PDE7A: variants seen among roughly 807,000 people sequenced by gnomAD.
The protein encoded by PDE7A is phosphodiesterase 7A, also known as high affinity 3',5'-cyclic-AMP phosphodiesterase 7A.
A neutral mutation model predicts 64.3 loss-of-function variants in PDE7A; 39 were observed. The ratio of observed to expected loss-of-function variants is 0.61; its 90% CI spans 0.47 to 0.79. The LOEUF (loss-of-function observed/expected upper bound fraction) is 0.79, where lower values mean the gene tolerates loss of function less well. PDE7A is among the 30% of genes least tolerant of loss of function. The pLI is 0.00. For synonymous variants in PDE7A, 203 were observed against 206.8 expected, an observed-to-expected ratio of 0.98 and a Z score of 0.16; for missense variants, 470 against 582.8, an observed-to-expected ratio of 0.81 and a Z score of 1.99.
intron 3 of PDE7A, among the ~76,000 whole-genome samples, chr8:65,759,285 C>T (rs1046347725): frequency 2.0e-5 from 3 of 152,184 alleles, no homozygotes; most frequent in African/African-American, 4.8e-5. Context: ...CAGGACAGTA[C>T]TATCTCCTTA....
rs1809293525 is a variant in PDE7A, at chr8:65,777,461, G to T, written c.283+2259C>A. 2.0e-5 allele frequency among the ~76,000 whole-genome samples: 3 copies of T among 151,956 alleles called. No homozygotes were observed. The South Asian group carries it at 6.2e-4, about 32-fold the overall frequency. ...TATATTCCTGGAAAAATACTAATTA[G>T]GTCAAAATATATTAATTCTCCCTTT... is the stretch of plus-strand genomic sequence containing the variant. On this transcript the variant is annotated intron_variant, in intron 3 of 12. Transcript: ENST00000401827.
intron 3 of PDE7A, among the ~76,000 whole-genome samples, chr8:65,764,474 T>C (rs1808667697): frequency 6.6e-6 from 1 of 152,172 alleles, no homozygotes; most frequent in Non-Finnish European, 1.5e-5. Context: ...AATAGGAAAC[T>C]AATGACCATG....
At chr8:65,782,721 C>A in intron 2 of PDE7A, 62 bp downstream of exon 2, 2 of 888,734 alleles carry the variant, frequency 2.3e-6, no homozygotes, top group Admixed American at 2.3e-5. Flanking sequence ...ATACCTCAAA[C>A]TCAAATAACA....
At chr8:65,800,099 T>C (rs1588723) in intron 1 of PDE7A, among the ~76,000 whole-genome samples, 152,104 of 152,348 alleles carry the variant, frequency 1, 75,930 homozygotes, top group Middle Eastern at 1. Context: ...TTTGCTTTCC[T>C]TATAGAAACT....
intron 1 of PDE7A, among the ~76,000 whole-genome samples, chr8:65,828,410 A>G (rs1346066607): frequency 6.6e-6 from 1 of 152,158 alleles, no homozygotes; most frequent in African/African-American, 2.4e-5. Context: ...TCTATGACAA[A>G]TATGGCTATT....
At chr8:65,828,150 T>TAA (rs140381186) in intron 1 of PDE7A, among the ~76,000 whole-genome samples, 4 of 148,934 alleles carry the variant, frequency 2.7e-5, no homozygotes, top group Admixed American at 1.3e-4. Context: ...TTTCATTGTT[T>TAA]AAAAAAAAAA....
intron 3 of PDE7A, among the ~76,000 whole-genome samples, chr8:65,751,100 T>C (rs943887946): frequency 6.6e-6 from 1 of 152,190 alleles, no homozygotes; most frequent in African/African-American, 2.4e-5. Flanking sequence ...TGGAAGATCA[T>C]TCAAGGAAAA....
chr8:65,759,790 G>A (rs1808406072), intron 3 of PDE7A, among the ~76,000 whole-genome samples: 1 of 151,832 alleles, frequency 6.6e-6, no homozygotes, highest in Admixed American at 6.6e-5. Context: ...TTGAGAATGG[G>A]GAAAGGTTGC....
chr8:65,731,174 G>A (rs1027176164), intron 7 of PDE7A, among the ~76,000 whole-genome samples: 6 of 152,020 alleles, frequency 3.9e-5, no homozygotes, highest in Admixed American at 2.6e-4. Flanking sequence ...AAGATTCTGG[G>A]GGCCAAAATT....
Position 65,719,068 on chromosome 8 carries a change from G to T in PDE7A, c.*222C>A, listed in dbSNP as rs903658455. The T allele has an allele frequency of 2.7e-5, 15 of 562,868 alleles. No individual in the cohort carries two copies. In the Admixed American group the frequency reaches 4.2e-4, roughly 16 times the overall value. The allele number at this position is 562,868 out of a possible 1,614,324, so 34.9% of individuals were successfully genotyped here. On this transcript the variant is annotated 3_prime_UTR_variant, in exon 13 of 13. Coordinates refer to ENST00000401827, the MANE Select transcript of PDE7A (RefSeq NM_001242318.3). ...TCCTGCTGGGCTTTGCATATTCAAG[G>T]TTTCACATGAAAGCCAAATTCATAT...
intron 12 of PDE7A, among the ~76,000 whole-genome samples, chr8:65,720,122 C>T (rs977726236): frequency 2.0e-5 from 3 of 152,158 alleles, no homozygotes; most frequent in African/African-American, 7.2e-5. Context: ...ATTTTATAAA[C>T]AATTCATATA....
chr8:65,835,653 G>A (rs1810934226), intron 1 of PDE7A, among the ~76,000 whole-genome samples: 1 of 152,204 alleles, frequency 6.6e-6, no homozygotes, highest in African/African-American at 2.4e-5. Context: ...CAAAGAGAAT[G>A]AAGGGCACCT....
chr8:65,754,105 C>G (rs1304797466), intron 3 of PDE7A, among the ~76,000 whole-genome samples: 2 of 152,116 alleles, frequency 1.3e-5, no homozygotes, highest in Non-Finnish European at 2.9e-5. Flanking sequence ...AGTCCCAGAA[C>G]TGAAGAACTT....
chr8:65,738,657 T>C (rs1807258836), intron 6 of PDE7A, among the ~76,000 whole-genome samples: 1 of 152,070 alleles, frequency 6.6e-6, no homozygotes, highest in African/African-American at 2.4e-5. Context: ...GGTCTCCAAC[T>C]CGTGGCCTCA....
intron 1 of PDE7A, among the ~76,000 whole-genome samples, chr8:65,783,792 TTAA>T (rs1193829842): frequency 6.6e-6 from 1 of 152,188 alleles, no homozygotes; most frequent in Non-Finnish European, 1.5e-5. Flanking sequence ...TTATTGCAAA[TTAA>T]TAATAACTGA....
chr8:65,805,419 T>A (rs1214629310), intron 1 of PDE7A, among the ~76,000 whole-genome samples: 3 of 152,214 alleles, frequency 2.0e-5, no homozygotes, highest in Admixed American at 6.5e-5. Flanking sequence ...CAGCAGAGAT[T>A]ACCCTATATA....
At chr8:65,730,171 CTTTTTTT>C (rs1179431555) in intron 7 of PDE7A, among the ~76,000 whole-genome samples, 44 of 86,446 alleles carry the variant, frequency 5.1e-4, no homozygotes, top group South Asian at 1.9e-3. Flanking sequence ...TTGCGCACTT[CTTTTTTT>C]TTTTTTTTTT....
At position 65,829,271 on chromosome 8, in the gene PDE7A, T is replaced by G. The variant is rs547363493; in HGVS notation, c.138+12100A>C. Among the ~76,000 whole-genome samples, 3 of 152,272 alleles carry G rather than the reference T, an allele frequency of 2.0e-5. No individual in the cohort carries two copies. In the East Asian group the frequency reaches 5.8e-4, roughly 29 times the overall value. ...AGATATGTCTTTCTTTATAAAAGGT[T>G]AAGTTGCACATAAATCACATTTCAA... is the stretch of plus-strand genomic sequence containing the variant. On this transcript the variant is annotated intron_variant, in intron 1 of 12. Transcript: ENST00000401827.
At chr8:65,741,369 TAATA>T (rs1361873160) in intron 5 of PDE7A, among the ~76,000 whole-genome samples, 2 of 152,164 alleles carry the variant, frequency 1.3e-5, no homozygotes, top group Non-Finnish European at 2.9e-5. Context: ...AAATTTATAA[TAATA>T]ATATTTATGA....
Sources: allele counts gnomAD v4.1 joint callset (sites outside exome capture counted in the v4.1 genomes callset), GRCh38; gene constraint gnomAD v4.1.1; transcripts MANE v1.5; gene names NCBI Gene and HGNC (gene_info 2026-07-23, HGNC 2026-07-21).